PDLIM5: variants seen among roughly 807,000 people sequenced by gnomAD.
PDLIM5 encodes the protein PDZ and LIM domain protein 5.
A neutral mutation model predicts 64.2 loss-of-function variants in PDLIM5; 34 were observed. That is an observed-to-expected ratio of 0.53 (90% CI 0.40 to 0.71). The LOEUF (loss-of-function observed/expected upper bound fraction) is 0.71. Ranked by LOEUF, PDLIM5 falls within the 30% of genes least tolerant of loss-of-function variation. The pLI is 0.00. For synonymous variants in PDLIM5, 253 were observed against 269.1 expected, an observed-to-expected ratio of 0.94 and a Z score of 0.59; for missense variants, 683 against 733.6, an observed-to-expected ratio of 0.93 and a Z score of 0.80.
chr4:94,666,027 T>C lies in PDLIM5; in HGVS notation c.*1960T>C, dbSNP rs1423389000. 6.5e-7 allele frequency: 1 copy of C among 1,534,214 alleles called. No homozygotes were observed. Among genetic ancestry groups the C allele is most frequent in the Non-Finnish European group, 8.7e-7 (1 of 1,145,906 alleles). ...TTGGTTTTTCTCTTTGTTTCCAGAA[T>C]GGATGAAAGTCCATGAACCTCCTAA... On this transcript the variant is annotated 3_prime_UTR_variant, in exon 13 of 13. Coordinates refer to ENST00000317968, the MANE Select transcript of PDLIM5 (RefSeq NM_006457.5).
At chr4:94,471,541 A>G (rs184567914) in intron 2 of PDLIM5, among the ~76,000 whole-genome samples, 6 of 152,248 alleles carry the variant, frequency 3.9e-5, no homozygotes, top group Non-Finnish European at 8.8e-5. Context: ...CTCCCAACAT[A>G]ATACTTTAGA....
intron 2 of PDLIM5, among the ~76,000 whole-genome samples, chr4:94,487,243 C>G (rs889406373): frequency 6.6e-6 from 1 of 152,144 alleles, no homozygotes; most frequent in African/African-American, 2.4e-5. Context: ...TATCTCATAT[C>G]ACAACCTTGT....
At chr4:94,567,598 T>C (rs1208699502) in intron 3 of PDLIM5, among the ~76,000 whole-genome samples, 1 of 152,084 alleles carries the variant, frequency 6.6e-6, no homozygotes, top group East Asian at 1.9e-4. Flanking sequence ...AAGAAGGGAA[T>C]TATACTTGTC....
At chr4:94,454,035 A>G (rs1160122484) in intron 1 of PDLIM5, among the ~76,000 whole-genome samples, 2 of 152,196 alleles carry the variant, frequency 1.3e-5, no homozygotes, top group Non-Finnish European at 2.9e-5. Context: ...GTTTGCTTTA[A>G]ATATACCTAT....
chr4:94,627,260 G>T (rs564906857), intron 8 of PDLIM5, among the ~76,000 whole-genome samples: 1 of 152,178 alleles, frequency 6.6e-6, no homozygotes, highest in East Asian at 1.9e-4. Flanking sequence ...GTAGATTTTT[G>T]TTTCTGATTC....
chr4:94,577,455 TC>T (rs1735374580), intron 5 of PDLIM5: 1 of 407,482 alleles, frequency 2.5e-6, no homozygotes, highest in South Asian at 1.6e-5. Context: ...TGGGTGGCTT[TC>T]TAAAGTTCTG....
intron 2 of PDLIM5, among the ~76,000 whole-genome samples, chr4:94,485,882 T>C (rs1726283183): frequency 6.6e-6 from 1 of 151,280 alleles, no homozygotes; most frequent in Non-Finnish European, 1.5e-5. Flanking sequence ...AGAAATATTA[T>C]CTCTGATGGC....
intron 8 of PDLIM5, among the ~76,000 whole-genome samples, chr4:94,625,464 T>C (rs1192791911): frequency 6.6e-6 from 1 of 151,934 alleles, no homozygotes; most frequent in East Asian, 1.9e-4. Context: ...ACTTTTTTTT[T>C]TTTTTTGAGA....
At chr4:94,586,127 G>A (rs887222763) in intron 6 of PDLIM5, among the ~76,000 whole-genome samples, 2 of 152,044 alleles carry the variant, frequency 1.3e-5, no homozygotes, top group African/African-American at 4.8e-5. Context: ...CTGAGATCAC[G>A]CCACTGTACT....
At chr4:94,589,236 C>T (rs571303226) in intron 7 of PDLIM5, among the ~76,000 whole-genome samples, 2 of 151,996 alleles carry the variant, frequency 1.3e-5, no homozygotes, top group East Asian at 3.9e-4. Context: ...ACAGAGTTGA[C>T]AGAAAGAAGA....
At chr4:94,482,136 A>G in intron 2 of PDLIM5, among the ~76,000 whole-genome samples, 1 of 151,042 alleles carries the variant, frequency 6.6e-6, no homozygotes, top group Non-Finnish European at 1.5e-5. Context: ...TTTAAATTAC[A>G]GAGTCTAGCA....
At chr4:94,470,753 T>C (rs1173113755) in intron 2 of PDLIM5, among the ~76,000 whole-genome samples, 2 of 151,850 alleles carry the variant, frequency 1.3e-5, no homozygotes, top group Non-Finnish European at 2.9e-5. Flanking sequence ...AGGTCCTCAG[T>C]AGTAGATAAT....
intron 7 of PDLIM5, among the ~76,000 whole-genome samples, chr4:94,592,975 C>G (rs1210831564): frequency 1.3e-5 from 2 of 152,076 alleles, no homozygotes; most frequent in Admixed American, 6.5e-5. Context: ...CTCCACTGCC[C>G]CACCCCACAG....
At chr4:94,452,364 C>T (rs1035843997) in intron 1 of PDLIM5, among the ~76,000 whole-genome samples, 7 of 152,270 alleles carry the variant, frequency 4.6e-5, no homozygotes, top group East Asian at 3.9e-4. Context: ...ACCCGGCTGC[C>T]GGCGTCGCCC....
chr4:94,528,101 G>C (rs1039261575), intron 3 of PDLIM5, among the ~76,000 whole-genome samples: 6 of 152,098 alleles, frequency 3.9e-5, no homozygotes, highest in African/African-American at 1.4e-4. Context: ...ATCACTGAAT[G>C]CCCTTTCTTC....
chr4:94,485,525 A>G (rs1284985453), intron 2 of PDLIM5, among the ~76,000 whole-genome samples: 3 of 152,176 alleles, frequency 2.0e-5, no homozygotes, highest in Non-Finnish European at 4.4e-5. Context: ...TGTTTAGTTC[A>G]TAAACCTTAT....
At chr4:94,478,911 T>TTTTTTTTTTG (rs1560642911) in intron 2 of PDLIM5, among the ~76,000 whole-genome samples, 3 of 145,392 alleles carry the variant, frequency 2.1e-5, no homozygotes, top group African/African-American at 8.0e-5. Flanking sequence ...TTTTTTTTTT[T>TTTTTTTTTTG]TTTTTTAAGA....
chr4:94,609,147 C>T (rs970567211), intron 7 of PDLIM5, among the ~76,000 whole-genome samples: 2 of 152,092 alleles, frequency 1.3e-5, no homozygotes, highest in African/African-American at 2.4e-5. Context: ...CAGTTTCAGA[C>T]ATCTAAGCTC....
chr4:94,492,004 CTG>C lies in PDLIM5; in HGVS notation c.97-31718_97-31717del, dbSNP rs200416091. Among the ~76,000 whole-genome samples, 8 of 151,970 alleles carry C rather than the reference CTG, an allele frequency of 5.3e-5. No homozygotes were observed. In the East Asian group the frequency reaches 1.5e-3, roughly 29 times the overall value. On this transcript the variant is annotated intron_variant, in intron 2 of 12. Coordinates refer to ENST00000317968, the MANE Select transcript of PDLIM5 (RefSeq NM_006457.5). ...AGGTCTCAAAACTTATTTCTCCTGT[CTG>C]TCTGAAACTTTGTATCTTTTGACCA... is the stretch of plus-strand genomic sequence containing the variant.
Sources: allele counts gnomAD v4.1 joint callset (sites outside exome capture counted in the v4.1 genomes callset), GRCh38; gene constraint gnomAD v4.1.1; transcripts MANE v1.5; gene names NCBI Gene and HGNC (gene_info 2026-07-23, HGNC 2026-07-21).